IQGAP1: variants seen among roughly 807,000 people sequenced by gnomAD.
The protein encoded by IQGAP1 is IQ motif containing GTPase activating protein 1.
IQGAP1 carries 66 observed loss-of-function variants against 215.6 expected under a neutral mutation model. That is an observed-to-expected ratio of 0.31 (90% CI 0.25 to 0.38). The LOEUF (loss-of-function observed/expected upper bound fraction) is 0.38, where lower values mean the gene tolerates loss of function less well. Ranked by LOEUF, IQGAP1 falls within the 10% of genes least tolerant of loss-of-function variation. IQGAP1 has a pLI of 1.00. For missense variants in IQGAP1, 1,712 were observed against 1,997.1 expected, an observed-to-expected ratio of 0.86 and a Z score of 2.72; for synonymous variants, 772 against 728.7, an observed-to-expected ratio of 1.06 and a Z score of -0.96.
intron 2 of IQGAP1, among the ~76,000 whole-genome samples, chr15:90,409,367 A>G (rs1964925268): frequency 1.3e-5 from 2 of 150,894 alleles, no homozygotes; most frequent in African/African-American, 4.9e-5. Context: ...CCTCCTGAGT[A>G]GCTGAGATTA....
intron 2 of IQGAP1, among the ~76,000 whole-genome samples, chr15:90,414,061 T>A (rs1965007968): frequency 1.3e-5 from 2 of 152,094 alleles, no homozygotes; most frequent in South Asian, 2.1e-4. Flanking sequence ...CACAATCATT[T>A]AAAAAAAATA....
intron 2 of IQGAP1, among the ~76,000 whole-genome samples, chr15:90,422,811 G>A (rs969217710): frequency 6.6e-6 from 1 of 151,314 alleles, no homozygotes; most frequent in African/African-American, 2.4e-5. Flanking sequence ...TCCTCCTGCT[G>A]CAGCCTCTCA....
At chr15:90,426,470 T>G (rs971985352) in intron 3 of IQGAP1, among the ~76,000 whole-genome samples, 1 of 152,084 alleles carries the variant, frequency 6.6e-6, no homozygotes, top group South Asian at 2.1e-4. Context: ...TTTTAGAATT[T>G]ATCTGGAAAG....
At chr15:90,421,219 T>C (rs1965130942) in intron 2 of IQGAP1, among the ~76,000 whole-genome samples, 1 of 152,084 alleles carries the variant, frequency 6.6e-6, no homozygotes, top group Non-Finnish European at 1.5e-5. Context: ...CTCATGCCTA[T>C]AATCCCAGCA....
intron 15 of IQGAP1, 112 bp downstream of exon 15, chr15:90,456,427 C>A: frequency 9.6e-7 from 1 of 1,045,214 alleles, no homozygotes. Flanking sequence ...TTCTGGGCAC[C>A]CTTAGATTCA....
At position 90,474,583 on chromosome 15, in the gene IQGAP1, A is replaced by C; in HGVS notation, c.2674A>C (p.Met892Leu). The change falls in exon 23 of 38, where the codon ATG becomes CTG. Residue 892 changes from methionine (M) to leucine (L), a missense_variant. By Grantham distance (15) the Met-to-Leu change is conservative (BLOSUM62 2). This residue lies in a region of IQGAP1 where 1,021 missense variants were observed against 1,074.2 expected (regional missense o/e 0.95). Coordinates refer to ENST00000268182, the MANE Select transcript of IQGAP1 (RefSeq NM_003870.4). ...TCAGGAGGAGCTTGACCTTATGAAG[A>C]TGCGGGAAGAGGTTATCACCCTCAT... ...DFQEELDLMK[M>L]REEVITLIRS... 6.2e-7 allele frequency: 1 copy of C among 1,614,094 alleles called. No individual in the cohort carries two copies. Among genetic ancestry groups the C allele is most frequent in the Non-Finnish European group, 8.5e-7 (1 of 1,179,936 alleles).
intron 13 of IQGAP1, 139 bp from the exon 14 acceptor site, chr15:90,454,289 C>T: frequency 1.2e-6 from 1 of 830,768 alleles, no homozygotes; most frequent in Non-Finnish European, 1.9e-6. Context: ...CATTTTTGCA[C>T]TTTGTTTAAA....
At chr15:90,435,330 G>A (rs973567103) in intron 5 of IQGAP1, among the ~76,000 whole-genome samples, 8 of 152,112 alleles carry the variant, frequency 5.3e-5, no homozygotes, top group African/African-American at 1.9e-4. Flanking sequence ...TAAAAAATTA[G>A]CTAGGCATGG....
chr15:90,396,489 T>G (rs534756348), intron 2 of IQGAP1, among the ~76,000 whole-genome samples: 1 of 152,144 alleles, frequency 6.6e-6, no homozygotes, highest in Non-Finnish European at 1.5e-5. Flanking sequence ...TGAGACCCAG[T>G]GTGACTAAAG....
chr15:90,429,598 C>T lies in IQGAP1; in HGVS notation c.322C>T (p.Leu108Phe). Residue 108 changes from leucine (L) to phenylalanine (F), a missense_variant, in exon 4 of 38, where the codon CTC becomes TTC. Physicochemically the swap from Leu to Phe is conservative, Grantham distance 22. This residue lies in a region of IQGAP1 where 1,021 missense variants were observed against 1,074.2 expected (regional missense o/e 0.95). Coordinates refer to ENST00000268182, the MANE Select transcript of IQGAP1 (RefSeq NM_003870.4). Reference protein sequence around the residue: ...REQTRYKATGLHFRHTDNVIQ... With the variant: ...REQTRYKATGFHFRHTDNVIQ... The stretch of plus-strand genomic sequence containing the variant: ...TCTTTTTTTTTTCTAGGCGACTGGC[C>T]TCCACTTTAGACACACTGATAATGT... 1 of 1,596,622 alleles carries T rather than the reference C, an allele frequency of 6.3e-7. No individual in the cohort carries two copies. The highest frequency in any genetic ancestry group is 8.5e-7 in the Non-Finnish European group (1 of 1,174,850).
At chr15:90,409,789 T>G (rs1287535543) in intron 2 of IQGAP1, among the ~76,000 whole-genome samples, 1 of 152,224 alleles carries the variant, frequency 6.6e-6, no homozygotes, top group Non-Finnish European at 1.5e-5. Context: ...TTCCTATTTC[T>G]CCACATCCTC....
chr15:90,416,088 G>A lies in IQGAP1; in HGVS notation c.156-10022G>A, dbSNP rs1393667655. Among the ~76,000 whole-genome samples, 3 of 152,066 alleles carry A rather than the reference G, an allele frequency of 2.0e-5. No homozygotes were observed. In the East Asian group the frequency reaches 5.8e-4, roughly 29 times the overall value. ...ACAACGTGCAGGTTTGTTACATAAT[G>A]TATACAGGTGCCATGTTGATGTGCT... On this transcript the variant is annotated intron_variant, in intron 2 of 37. Coordinates refer to ENST00000268182, the MANE Select transcript of IQGAP1 (RefSeq NM_003870.4).
At chr15:90,410,920 A>G (rs1227577296) in intron 2 of IQGAP1, among the ~76,000 whole-genome samples, 5 of 152,076 alleles carry the variant, frequency 3.3e-5, no homozygotes, top group Admixed American at 2.0e-4. Context: ...TCTCTTGCTC[A>G]TATCACCAAT....
chr15:90,435,522 A>G (rs1965359097), intron 5 of IQGAP1, among the ~76,000 whole-genome samples: 1 of 152,210 alleles, frequency 6.6e-6, no homozygotes, highest in South Asian at 2.1e-4. Flanking sequence ...CTGAGTCCAG[A>G]TCAGATTAAT....
chr15:90,479,600 G>A (rs1451562534), intron 26 of IQGAP1, among the ~76,000 whole-genome samples: 1 of 148,736 alleles, frequency 6.7e-6, no homozygotes, highest in Admixed American at 6.7e-5. Flanking sequence ...AAAAAAATTA[G>A]CTGGGTGTGG....
intron 11 of IQGAP1, among the ~76,000 whole-genome samples, chr15:90,450,275 A>G (rs1308711486): frequency 6.8e-6 from 1 of 147,496 alleles, no homozygotes; most frequent in Non-Finnish European, 1.5e-5. Context: ...TTCACTTAAC[A>G]TAATGACCTT....
intron 30 of IQGAP1, among the ~76,000 whole-genome samples, 184 bp from the exon 31 acceptor site, chr15:90,485,846 C>G (rs992865129): frequency 6.6e-5 from 10 of 152,078 alleles, no homozygotes; most frequent in African/African-American, 2.4e-4. Context: ...TTCAACAGAG[C>G]CTGGTGTGGT....
chr15:90,437,848 T>C (rs953431067), intron 5 of IQGAP1, among the ~76,000 whole-genome samples: 2 of 152,212 alleles, frequency 1.3e-5, no homozygotes, highest in African/African-American at 4.8e-5. Context: ...CTGGAGAATT[T>C]TTTGAATACA....
chr15:90,432,056 A>G (rs1567124255), intron 4 of IQGAP1, among the ~76,000 whole-genome samples: 1 of 152,108 alleles, frequency 6.6e-6, no homozygotes, highest in Non-Finnish European at 1.5e-5. Flanking sequence ...TGTTAGATAC[A>G]TTTTCCCATT....
Sources: gnomAD v4.1 joint callset for allele counts (sites outside exome capture counted in the v4.1 genomes callset) on GRCh38, gnomAD v4.1.1 for gene constraint, gnomAD v4.1.1 regional missense constraint, MANE v1.5 for transcripts, NCBI Gene and HGNC (gene_info 2026-07-23, HGNC 2026-07-21) for gene names.